The following P3H2 variants were observed in gnomAD, a reference collection of about 807,000 sequenced individuals.
The protein encoded by P3H2 is leprecan-like 1.
In P3H2, 80 loss-of-function variants were observed where a neutral mutation model predicts 87.0. The observed-to-expected ratio is 0.92, with a 90% CI of 0.77 to 1.11. The LOEUF is 1.11. Among genes scored for constraint, P3H2 ranks in the 50% least tolerant of loss-of-function variants. The probability of loss-of-function intolerance (pLI) is 0.00; values close to 1 mark genes in which losing one functional copy is unlikely to be tolerated. For missense variants in P3H2, 1,001 were observed against 923.9 expected, an observed-to-expected ratio of 1.08 and a Z score of -1.08; for synonymous variants, 367 against 359.3, an observed-to-expected ratio of 1.02 and a Z score of -0.24.
intron 1 of P3H2, chr3:190,116,727 T>A (rs1404469996): frequency 6.6e-6 from 1 of 152,208 alleles, no homozygotes; most frequent in Non-Finnish European, 1.5e-5. Flanking sequence ...AATGCAATGA[T>A]AAAAGCTATA....
intron 1 of P3H2, among the ~76,000 whole-genome samples, chr3:190,075,373 T>C (rs1215318041): frequency 6.6e-6 from 1 of 151,580 alleles, no homozygotes; most frequent in East Asian, 1.9e-4. Context: ...TAATCCCAGC[T>C]ACTCGGGAGG....
At chr3:189,986,906 T>C in intron 5 of P3H2, 29 bp from the exon 6 acceptor site, 1 of 1,469,894 alleles carries the variant, frequency 6.8e-7, no homozygotes. Flanking sequence ...AGAAAGACAT[T>C]TTTTATTTAA....
intron 13 of P3H2, among the ~76,000 whole-genome samples, chr3:189,966,123 A>G (rs771778647): frequency 4.6e-4 from 47 of 102,234 alleles, no homozygotes; most frequent in African/African-American, 1.4e-3. Context: ...GAAAGAAAGA[A>G]AAAGAAAGAA....
At chr3:190,119,918 G>A (rs925473243) in intron 1 of P3H2, among the ~76,000 whole-genome samples, 5 of 151,062 alleles carry the variant, frequency 3.3e-5, no homozygotes, top group Non-Finnish European at 7.4e-5. Flanking sequence ...GAAATGGGAA[G>A]TGAGAAGGGA....
At chr3:190,036,702 A>G (rs1223672093) in intron 1 of P3H2, among the ~76,000 whole-genome samples, 1 of 152,086 alleles carries the variant, frequency 6.6e-6, no homozygotes, top group Non-Finnish European at 1.5e-5. Context: ...TTTGACTTCA[A>G]TTATAAGGAA....
At chr3:189,971,851 T>C in intron 12 of P3H2, 39 bp downstream of exon 12, 5 of 1,211,852 alleles carry the variant, frequency 4.1e-6, no homozygotes, top group Non-Finnish European at 6.2e-6. Flanking sequence ...TGAAAACTGT[T>C]AGGTAAAAGC....
intron 14 of P3H2, chr3:189,963,748 A>G (rs1722886966): frequency 1.7e-6 from 1 of 599,998 alleles, no homozygotes; most frequent in African/African-American, 1.9e-5. Flanking sequence ...CCAGCCTTAC[A>G]ATTTGTTAAT....
At chr3:190,004,629 G>A (rs1336397100) in intron 1 of P3H2, among the ~76,000 whole-genome samples, 2 of 152,190 alleles carry the variant, frequency 1.3e-5, no homozygotes, top group South Asian at 2.1e-4. Flanking sequence ...TGATCCGCCC[G>A]CCTCGGCCTC....
intron 1 of P3H2, among the ~76,000 whole-genome samples, chr3:190,055,183 T>A (rs1305946912): frequency 5.3e-5 from 8 of 152,212 alleles, no homozygotes. Context: ...AAACAACTTT[T>A]AATAGTGCAT....
At chr3:190,086,212 TCCTATTTTAGAA>T (rs1235288617) in intron 1 of P3H2, among the ~76,000 whole-genome samples, 6 of 152,148 alleles carry the variant, frequency 3.9e-5, no homozygotes, top group East Asian at 3.8e-4. Flanking sequence ...AAAGCCACTA[TCCTATTTTAGAA>T]CCTATTTTAG....
chr3:190,011,220 C>G (rs935595274), intron 1 of P3H2, among the ~76,000 whole-genome samples: 1 of 151,200 alleles, frequency 6.6e-6, no homozygotes, highest in Non-Finnish European at 1.5e-5. Context: ...TTGCAGTGAG[C>G]CGAGATTGCG....
chr3:190,059,221 G>C (rs2108965777), intron 1 of P3H2, among the ~76,000 whole-genome samples: 1 of 152,208 alleles, frequency 6.6e-6, no homozygotes, highest in South Asian at 2.1e-4. Context: ...ATAATTATCT[G>C]TCTTCATGTC....
At chr3:189,977,901 C>T (rs553781112) in intron 8 of P3H2, among the ~76,000 whole-genome samples, 27 of 152,218 alleles carry the variant, frequency 1.8e-4, no homozygotes, top group Admixed American at 1.4e-3. Context: ...TGAGCCACCA[C>T]GCCCAGCCAA....
intron 1 of P3H2, among the ~76,000 whole-genome samples, chr3:190,011,618 C>G (rs561946267): frequency 2.0e-5 from 3 of 151,962 alleles, no homozygotes; most frequent in Non-Finnish European, 2.9e-5. Context: ...CCAGAGCACC[C>G]GACAGAAAGA....
chr3:190,001,389 A>G (rs1364702716), intron 1 of P3H2, among the ~76,000 whole-genome samples: 1 of 152,216 alleles, frequency 6.6e-6, no homozygotes, highest in Non-Finnish European at 1.5e-5. Context: ...TAAAATAAGT[A>G]ATTTCCATTA....
chr3:189,971,994 T>C lies in P3H2; in HGVS notation c.1713A>G (p.Arg571=), dbSNP rs1192401497. ...GGATGGGATGACTGAGGTCATTTCT[T>C]CTATCCTGCTGACCTGCCAGAAAAG... ...CRTALSGQQD[R]RNDLSHPIHA... is the part of the protein sequence containing the mutation. The change falls in exon 12 of 15, where the codon AGA becomes AGG. Residue 571 remains arginine (R), a synonymous_variant. Transcript: ENST00000319332. The C allele has an allele frequency of 6.2e-7, 1 of 1,609,900 alleles. No individual in the cohort carries two copies. Among genetic ancestry groups the C allele is most frequent in the African/African-American group, 1.3e-5 (1 of 74,850 alleles).
At chr3:190,006,095 G>A (rs904677981) in intron 1 of P3H2, among the ~76,000 whole-genome samples, 1 of 152,156 alleles carries the variant, frequency 6.6e-6, no homozygotes, top group African/African-American at 2.4e-5. Context: ...ATATTAGAAA[G>A]AAAGTTCTAG....
At chr3:190,054,649 T>C (rs1726093290) in intron 1 of P3H2, among the ~76,000 whole-genome samples, 1 of 152,154 alleles carries the variant, frequency 6.6e-6, no homozygotes, top group Non-Finnish European at 1.5e-5. Context: ...TTAAAGATTG[T>C]TCTCACGTTG....
At chr3:190,035,155 G>A (rs898927751) in intron 1 of P3H2, among the ~76,000 whole-genome samples, 6 of 151,716 alleles carry the variant, frequency 4.0e-5, no homozygotes, top group African/African-American at 1.5e-4. Flanking sequence ...GCCCCCAAAT[G>A]GCTATTTTTT....
Sources: allele counts gnomAD v4.1 joint callset (sites outside exome capture counted in the v4.1 genomes callset), GRCh38; gene constraint gnomAD v4.1.1; transcripts MANE v1.5; gene names NCBI Gene and HGNC (gene_info 2026-07-23, HGNC 2026-07-21).